Variants in KCNIP4 observed in about 807,000 individuals in gnomAD.
KCNIP4 encodes potassium voltage-gated channel interacting protein 4.
KCNIP4 carries 12 observed loss-of-function variants against 34.0 expected under a neutral mutation model. The ratio of observed to expected loss-of-function variants is 0.35; its 90% CI spans 0.23 to 0.57. The LOEUF (loss-of-function observed/expected upper bound fraction) is 0.57. Among genes scored for constraint, KCNIP4 ranks in the 20% least tolerant of loss-of-function variants. The pLI is 0.83. For missense variants in KCNIP4, 238 were observed against 311.7 expected, an observed-to-expected ratio of 0.76 and a Z score of 1.78; for synonymous variants, 124 against 102.2, an observed-to-expected ratio of 1.21 and a Z score of -1.29.
chr4:20,976,884 A>T (rs1468711204), intron 1 of KCNIP4, among the ~76,000 whole-genome samples: 2 of 151,994 alleles, frequency 1.3e-5, no homozygotes, highest in African/African-American at 4.8e-5. Flanking sequence ...CCCAGGCTGG[A>T]GTGCAGTGGT....
chr4:20,896,045 A>G (rs1472499182), intron 1 of KCNIP4, among the ~76,000 whole-genome samples: 1 of 152,156 alleles, frequency 6.6e-6, no homozygotes, highest in Non-Finnish European at 1.5e-5. Context: ...TTCCACTTAG[A>G]ATGTTGGATT....
At chr4:21,662,207 C>T (rs576697771) in intron 1 of KCNIP4, among the ~76,000 whole-genome samples, 1 of 152,312 alleles carries the variant, frequency 6.6e-6, no homozygotes, top group East Asian at 1.9e-4. Context: ...TCTGACTTTA[C>T]AGGTCTGTCG....
chr4:21,676,169 T>C (rs1352369677), intron 1 of KCNIP4, among the ~76,000 whole-genome samples: 1 of 152,138 alleles, frequency 6.6e-6, no homozygotes, highest in Non-Finnish European at 1.5e-5. Context: ...GCTGTTTTTA[T>C]TATCAACATT....
At chr4:21,595,356 A>G (rs6824316) in intron 1 of KCNIP4, among the ~76,000 whole-genome samples, 10,024 of 152,092 alleles carry the variant, frequency 0.066, 479 homozygotes, top group African/African-American at 0.13. Flanking sequence ...ATTCCACGGT[A>G]TATATGTGCC....
chr4:20,729,447 C>CATATGCTGATATCTGATAA lies in KCNIP4; in HGVS notation c.*616_*634dup, dbSNP rs1747218680. 7.2e-6 allele frequency: 1 copy of CATATGCTGATATCTGATAA among 139,568 alleles called. No individual in the cohort carries two copies. Among genetic ancestry groups the CATATGCTGATATCTGATAA allele is most frequent in the African/African-American group, 2.6e-5 (1 of 38,094 alleles). 8.6% of individuals were successfully genotyped at this position (139,568 alleles called of 1,614,324 possible). ...GCTTATTAAAATAAGTTTTATTAGG[C>CATATGCTGATATCTGATAA]ATATGCTGATATCTGATAATAAACT... On this transcript the variant is annotated 3_prime_UTR_variant, in exon 9 of 9. Transcript: ENST00000382152.
At chr4:20,869,744 T>C (rs1426720786) in intron 2 of KCNIP4, among the ~76,000 whole-genome samples, 1 of 152,140 alleles carries the variant, frequency 6.6e-6, no homozygotes, top group African/African-American at 2.4e-5. Context: ...ACAGTAATGA[T>C]GACTATTATA....
intron 3 of KCNIP4, chr4:20,766,860 G>A (rs1348741804): frequency 1.3e-5 from 2 of 152,118 alleles, no homozygotes; most frequent in African/African-American, 2.4e-5. Context: ...AGAAGGCCTG[G>A]GTTGAACCCC....
intron 3 of KCNIP4, among the ~76,000 whole-genome samples, chr4:20,803,470 CAA>C (rs551176038): frequency 2.7e-3 from 228 of 85,710 alleles, no homozygotes; most frequent in African/African-American, 7.4e-3. Flanking sequence ...TCATCTTTAC[CAA>C]AAAAAAAAAA....
intron 1 of KCNIP4, among the ~76,000 whole-genome samples, chr4:21,384,866 G>A (rs1257613143): frequency 6.6e-6 from 1 of 152,178 alleles, no homozygotes; most frequent in Non-Finnish European, 1.5e-5. Flanking sequence ...AGAAAGGGGA[G>A]ATGAAATAAA....
intron 1 of KCNIP4, among the ~76,000 whole-genome samples, chr4:21,913,331 C>T (rs537628564): frequency 6.6e-6 from 1 of 150,962 alleles, no homozygotes; most frequent in South Asian, 2.1e-4. Flanking sequence ...AGAGTGAGAC[C>T]TTGATTTGTA....
chr4:21,768,810 C>T (rs906175694), intron 1 of KCNIP4, among the ~76,000 whole-genome samples: 12 of 151,930 alleles, frequency 7.9e-5, no homozygotes, highest in African/African-American at 2.9e-4. Flanking sequence ...GGTATACAGC[C>T]TTCAAGAACA....
Position 21,270,489 on chromosome 4 carries a change from A to T in KCNIP4, c.62-387780T>A, listed in dbSNP as rs372074608. ...TTGTAAAACAGTTCAAAATACTATTAGATTTAATTCATCAAATAGATCAAG... is the reference window on the plus strand; with the variant it reads ...TTGTAAAACAGTTCAAAATACTATTTGATTTAATTCATCAAATAGATCAAG... On this transcript the variant is annotated intron_variant, in intron 1 of 8. Coordinates refer to ENST00000382152, the MANE Select transcript of KCNIP4 (RefSeq NM_025221.6). Among the ~76,000 whole-genome samples, 48 of 152,338 alleles carry T rather than the reference A, an allele frequency of 3.2e-4. 1 individual carries two copies. The South Asian group carries it at 7.7e-3, about 24-fold the overall frequency.
chr4:21,332,679 C>T lies in KCNIP4; in HGVS notation c.62-449970G>A, dbSNP rs559432289. ...CATCCCAAATAGATTAAACCCTTCT[C>T]TCCATTTCCTGTAATGTATTACATC... is the stretch of plus-strand genomic sequence containing the variant. On this transcript the variant is annotated intron_variant, in intron 1 of 8. Coordinates refer to ENST00000382152, the MANE Select transcript of KCNIP4 (RefSeq NM_025221.6). Among the ~76,000 whole-genome samples, 83 of 152,024 alleles carry T rather than the reference C, an allele frequency of 5.5e-4. No homozygotes were observed. In the South Asian group the frequency reaches 0.017, roughly 31 times the overall value.
intron 1 of KCNIP4, among the ~76,000 whole-genome samples, chr4:20,978,578 C>A (rs1735713849): frequency 6.6e-6 from 1 of 152,094 alleles, no homozygotes. Context: ...CCTCACCCAG[C>A]GTTTTACATA....
intron 1 of KCNIP4, among the ~76,000 whole-genome samples, chr4:21,094,964 T>G (rs1403173195): frequency 6.6e-6 from 1 of 152,136 alleles, no homozygotes; most frequent in African/African-American, 2.4e-5. Context: ...GATACTGCCT[T>G]CTCCATGGTA....
At chr4:21,773,019 A>G (rs367647329) in intron 1 of KCNIP4, among the ~76,000 whole-genome samples, 4 of 152,054 alleles carry the variant, frequency 2.6e-5, no homozygotes, top group East Asian at 1.9e-4. Context: ...TAGCGTGTCA[A>G]TTTGAGATCT....
intron 1 of KCNIP4, among the ~76,000 whole-genome samples, chr4:21,145,154 C>G (rs1172092416): frequency 3.3e-5 from 5 of 152,136 alleles, no homozygotes; most frequent in African/African-American, 9.7e-5. Flanking sequence ...CAAAACCCTT[C>G]CCCGCTCTAA....
At chr4:21,707,085 C>T (rs916776996) in intron 1 of KCNIP4, among the ~76,000 whole-genome samples, 3 of 152,128 alleles carry the variant, frequency 2.0e-5, no homozygotes, top group Non-Finnish European at 2.9e-5. Flanking sequence ...AAAATCAACC[C>T]TACTGGCATA....
At chr4:21,728,481 T>G (rs1715361408) in intron 1 of KCNIP4, among the ~76,000 whole-genome samples, 1 of 152,132 alleles carries the variant, frequency 6.6e-6, no homozygotes, top group African/African-American at 2.4e-5. Flanking sequence ...TCACTAGGTG[T>G]CTGCTTCTGC....
Sources: gnomAD v4.1 joint callset for allele counts (sites outside exome capture counted in the v4.1 genomes callset) on GRCh38, gnomAD v4.1.1 for gene constraint, MANE v1.5 for transcripts, NCBI Gene and HGNC (gene_info 2026-07-23, HGNC 2026-07-21) for gene names.